Variants in ITGAE observed in about 807,000 individuals in gnomAD.
The protein encoded by ITGAE is integrin subunit alpha E, also known as integrin alpha-E.
Under a neutral mutation model 136.5 loss-of-function variants are expected in ITGAE, and 99 were observed. That is an observed-to-expected ratio of 0.73 (90% CI 0.62 to 0.86). The LOEUF is 0.86. ITGAE is among the 40% of genes least tolerant of loss of function. The pLI, the probability that ITGAE is intolerant of heterozygous loss-of-function variation, is 0.00. For missense variants in ITGAE, 1,447 were observed against 1,515.3 expected (o/e 0.95, Z 0.75); for synonymous variants, 613 against 591.8 (o/e 1.04, Z -0.52).
chr17:3,777,642 G>A lies in ITGAE; in HGVS notation c.53C>T (p.Ala18Val). ...GGGCCGGGCCACATCCACATTGAAA[G>A]CGGCCAGCAGGGCCAGGCCTGTAGG... The part of the protein sequence containing the change: ...LCIASLALLA[A>V]FNVDVARPWL... The change falls in exon 2 of 31, where the codon GCT (alanine) becomes GTT (valine). Residue 18 changes from alanine (A) to valine (V), a missense_variant. By Grantham distance (64) the Ala-to-Val change is moderately conservative. Coordinates refer to ENST00000263087, the MANE Select transcript of ITGAE (RefSeq NM_002208.5). The A allele has an allele frequency of 6.2e-7, 1 of 1,613,444 alleles. No individual in the cohort carries two copies.
intron 21 of ITGAE, among the ~76,000 whole-genome samples, chr17:3,734,301 C>T (rs1043784471): frequency 2.0e-5 from 3 of 152,174 alleles, no homozygotes; most frequent in African/African-American, 7.2e-5. Context: ...TCTCGATCTC[C>T]TGACCTCGTG....
intron 26 of ITGAE, among the ~76,000 whole-genome samples, chr17:3,727,620 C>T (rs370232288): frequency 2.6e-4 from 40 of 152,156 alleles, no homozygotes; most frequent in African/African-American, 9.4e-4. Context: ...AGGATGGTCT[C>T]GATCTGCTGA....
intron 1 of ITGAE, among the ~76,000 whole-genome samples, chr17:3,797,542 C>A (rs1239090150): frequency 1.4e-5 from 2 of 147,258 alleles, no homozygotes; most frequent in Non-Finnish European, 3.0e-5. Context: ...CTCACTGCAA[C>A]CTCTGCCTCC....
intron 1 of ITGAE, among the ~76,000 whole-genome samples, chr17:3,786,589 G>A (rs1220297984): frequency 1.3e-5 from 2 of 152,014 alleles, no homozygotes. Context: ...CAAATCCAGG[G>A]AATTATAAAA....
rs71153402 is a variant in ITGAE, at chr17:3,785,496, GAGGAAGGAAGGAAGGAAGGA to G, written c.35-7856_35-7837del. On this transcript the variant is annotated intron_variant, in intron 1 of 30. Transcript: ENST00000263087. ...GAAAGAAAGGAAGGAAGGAAGGAAG[GAGGAAGGAAGGAAGGAAGGA>G]AGGAAGGAAGGAAGGAAGGAAGGAA... 8.7e-4 allele frequency among the ~76,000 whole-genome samples: 94 copies of G among 107,808 alleles called. 1 individual carries two copies. In the South Asian group the frequency reaches 0.012, roughly 14 times the overall value. The allele number at this position is 107,808 out of a possible 152,430, so 70.7% of individuals were successfully genotyped here. A position where few individuals can be genotyped will look rare whatever the true frequency, so the allele number is the denominator to read the frequency against.
Position 3,750,417 on chromosome 17 carries a change from A to G in ITGAE, c.1959T>C (p.Phe653=), listed in dbSNP as rs1338440672. ...CGGCAAGGCCGTCGCCACTAATATC[A>G]AAGCCACCAGCCATGGACATGCCGA... The part of the protein sequence containing the change: ...QYFGMSMAGG[F]DISGDGLADI... The change falls in exon 16 of 31, where the codon TTT becomes TTC. Residue 653 remains phenylalanine, a synonymous_variant. Coordinates refer to ENST00000263087, the MANE Select transcript of ITGAE (RefSeq NM_002208.5). 4 of 1,614,232 alleles carry G rather than the reference A, an allele frequency of 2.5e-6. No homozygotes were observed. Among genetic ancestry groups the G allele is most frequent in the Admixed American group, 3.3e-5 (2 of 60,024 alleles).
At chr17:3,782,672 A>G (rs4602070) in intron 1 of ITGAE, among the ~76,000 whole-genome samples, 13,396 of 152,116 alleles carry the variant, frequency 0.088, 726 homozygotes, top group East Asian at 0.18. Flanking sequence ...ATCTACATTT[A>G]CATGGGAAAA....
chr17:3,797,284 G>A (rs2143545091), intron 1 of ITGAE, among the ~76,000 whole-genome samples: 1 of 148,896 alleles, frequency 6.7e-6, no homozygotes, highest in Non-Finnish European at 1.5e-5. Context: ...TCCTGCCTCA[G>A]CCTCCCGAGT....
At chr17:3,754,966 G>T (rs1200894874) in intron 12 of ITGAE, 151 bp downstream of exon 12, 4 of 204,846 alleles carry the variant, frequency 2.0e-5, no homozygotes, top group African/African-American at 7.2e-5. Context: ...TCCAGGCCCC[G>T]CCCTCACCCA....
Position 3,749,242 on chromosome 17 carries a change from T to C in ITGAE, c.2024+1110A>G, listed in dbSNP as rs566584186. ...TGGGGGAATGAAGGGTGGGGGGAGATAAAAGCTCTGTTTTTCTTTTTTTTT... is the reference window on the plus strand; with the variant it reads ...TGGGGGAATGAAGGGTGGGGGGAGACAAAAGCTCTGTTTTTCTTTTTTTTT... On this transcript the variant is annotated intron_variant, in intron 16 of 30. Transcript: ENST00000263087. Among the ~76,000 whole-genome samples, 20 of 150,868 alleles carry C rather than the reference T, an allele frequency of 1.3e-4. No homozygotes were observed. In the East Asian group the frequency reaches 3.4e-3, roughly 25 times the overall value.
At chr17:3,760,139 G>A (rs778774624) in intron 7 of ITGAE, 33 bp downstream of exon 7, 2 of 1,242,430 alleles carry the variant, frequency 1.6e-6, no homozygotes, top group Non-Finnish European at 1.2e-6. Context: ...CTCAGCAATA[G>A]ATAAGTGTTA....
intron 2 of ITGAE, among the ~76,000 whole-genome samples, chr17:3,776,054 CTTTTTT>C (rs71153398): frequency 8.1e-6 from 1 of 122,850 alleles, no homozygotes; most frequent in African/African-American, 3.2e-5. Context: ...GTGCTAAGCC[CTTTTTT>C]TTTTTTTTTT....
At chr17:3,749,452 C>A (rs1227267237) in intron 16 of ITGAE, among the ~76,000 whole-genome samples, 1 of 152,076 alleles carries the variant, frequency 6.6e-6, no homozygotes, top group South Asian at 2.1e-4. Context: ...TGAGGTTTCA[C>A]CGTGTTAGCC....
At chr17:3,779,331 TTC>T (rs990270803) in intron 1 of ITGAE, among the ~76,000 whole-genome samples, 17 of 63,076 alleles carry the variant, frequency 2.7e-4, no homozygotes, top group African/African-American at 2.2e-3. Flanking sequence ...TTTTATTAAT[TTC>T]TTTTTTTTTT....
At chr17:3,781,725 G>A (rs1044433986) in intron 1 of ITGAE, among the ~76,000 whole-genome samples, 3 of 152,128 alleles carry the variant, frequency 2.0e-5, no homozygotes, top group Admixed American at 6.5e-5. Context: ...AGTGAAATAG[G>A]GATACAACTT....
chr17:3,753,939 G>T lies in ITGAE; in HGVS notation c.1385-14C>A. On this transcript the variant is annotated splice_polypyrimidine_tract_variant and intron_variant, in intron 12 of 30. Coordinates refer to ENST00000263087, the MANE Select transcript of ITGAE (RefSeq NM_002208.5). ...CCACAGCGTAACCTGGGGCAAGGGT[G>T]GTGTGGCTGTGAACACACCGTGTGC... is the stretch of plus-strand genomic sequence containing the variant. 6.2e-7 allele frequency: 1 copy of T among 1,612,972 alleles called. No individual in the cohort carries two copies. The highest frequency in any genetic ancestry group is 8.5e-7 in the Non-Finnish European group (1 of 1,179,468).
chr17:3,778,397 T>C (rs2143321482), intron 1 of ITGAE, among the ~76,000 whole-genome samples: 1 of 152,250 alleles, frequency 6.6e-6, no homozygotes, highest in Middle Eastern at 3.4e-3. Context: ...ACCCTGTCTC[T>C]ACGAAAAACG....
chr17:3,774,177 C>T (rs762377543), intron 2 of ITGAE, among the ~76,000 whole-genome samples: 5 of 152,116 alleles, frequency 3.3e-5, no homozygotes, highest in Non-Finnish European at 5.9e-5. Flanking sequence ...GGCTCTGCCC[C>T]AGTGCCTGTT....
intron 1 of ITGAE, among the ~76,000 whole-genome samples, chr17:3,796,165 GCATCC>G (rs2053095115): frequency 1.2e-4 from 4 of 32,868 alleles, no homozygotes; most frequent in Admixed American, 7.8e-4. Context: ...GTGTGTGTGT[GCATCC>G]GTGTGTGTGT....
Sources: gnomAD v4.1 joint callset for allele counts (sites outside exome capture counted in the v4.1 genomes callset) on GRCh38, gnomAD v4.1.1 for gene constraint, MANE v1.5 for transcripts, NCBI Gene and HGNC (gene_info 2026-07-23, HGNC 2026-07-21) for gene names.